Variants in CLTB observed in about 807,000 individuals in gnomAD.
The protein encoded by CLTB is clathrin light chain B, also known as clathrin, light chain (Lcb).
Under a neutral mutation model 30.5 loss-of-function variants are expected in CLTB, and 10 were observed. The ratio of observed to expected loss-of-function variants is 0.33; its 90% CI spans 0.20 to 0.56. The LOEUF is 0.56. Among genes scored for constraint, CLTB ranks in the 20% least tolerant of loss-of-function variants. The pLI is 0.91. For synonymous variants in CLTB, 102 were observed against 120.3 expected (o/e 0.85, Z 1.00); for missense variants, 261 against 308.3 (o/e 0.85, Z 1.15).
intron 2 of CLTB, among the ~76,000 whole-genome samples, chr5:176,404,771 G>T (rs1016024037): frequency 6.6e-6 from 1 of 152,170 alleles, no homozygotes. Context: ...CAGGTCCCGG[G>T]CTCCGGTGAA....
intron 2 of CLTB, among the ~76,000 whole-genome samples, chr5:176,409,531 A>G (rs1229268582): frequency 6.8e-6 from 1 of 147,624 alleles, no homozygotes; most frequent in East Asian, 2.0e-4. Flanking sequence ...CTCCTGCCTT[A>G]GCCTCCCGAG....
intron 2 of CLTB, among the ~76,000 whole-genome samples, chr5:176,408,288 C>A (rs1272187663): frequency 2.0e-5 from 3 of 151,114 alleles, no homozygotes; most frequent in Non-Finnish European, 4.4e-5. Flanking sequence ...AATCCCAGCA[C>A]TTTGGGAGGC....
rs540080556 is a variant in CLTB, at chr5:176,412,109, G to C, written c.188-1806C>G. ...GAGAATGGTGTGAACCCGGGAGGCGGAGCTTGCAGTGAGCCGAGATCCCGC... is the reference window on the plus strand; with the variant it reads ...GAGAATGGTGTGAACCCGGGAGGCGCAGCTTGCAGTGAGCCGAGATCCCGC... On this transcript the variant is annotated intron_variant, in intron 1 of 5. Coordinates refer to ENST00000310418, the MANE Select transcript of CLTB (RefSeq NM_007097.5). Among the ~76,000 whole-genome samples the C allele has an allele frequency of 1.1e-3, 173 of 150,662 alleles. 1 individual carries two copies. Among genetic ancestry groups the C allele is most frequent in the African/African-American group, 4.2e-3 (171 of 41,032 alleles).
intron 1 of CLTB, among the ~76,000 whole-genome samples, chr5:176,412,136 A>C (rs1757471705): frequency 6.7e-6 from 1 of 148,358 alleles, no homozygotes; most frequent in African/African-American, 2.5e-5. Flanking sequence ...AGATCCCGCC[A>C]CTGCACTCCA....
At chr5:176,409,197 A>G (rs1757292383) in intron 2 of CLTB, among the ~76,000 whole-genome samples, 1 of 150,900 alleles carries the variant, frequency 6.6e-6, no homozygotes, top group Non-Finnish European at 1.5e-5. Context: ...GATGGTCTCA[A>G]TCTTCCAACC....
At position 176,393,014 on chromosome 5, in the gene CLTB, T is replaced by TGGGCAAAGCA; in HGVS notation, c.519-70_519-69insTGCTTTGCCC. ...CCCCAGCCTTGCCCTTGAGCAAGGCTGCTTTGCCCAGCCTACTCTGGGGCA... is the reference window on the plus strand; with the variant it reads ...CCCCAGCCTTGCCCTTGAGCAAGGCTGGGCAAAGCAGCTTTGCCCAGCCTACTCTGGGGCA... On this transcript the variant is annotated intron_variant, in intron 5 of 5. Coordinates refer to ENST00000310418, the MANE Select transcript of CLTB (RefSeq NM_007097.5). The surrounding 1 kb of genome is among the most constrained non-coding windows in gnomAD (Gnocchi z 4.4). 6.4e-7 allele frequency: 1 copy of TGGGCAAAGCA among 1,573,918 alleles called. No individual in the cohort carries two copies. Among genetic ancestry groups the TGGGCAAAGCA allele is most frequent in the Non-Finnish European group, 8.7e-7 (1 of 1,146,408 alleles).
intron 2 of CLTB, among the ~76,000 whole-genome samples, chr5:176,404,644 T>A (rs7703742): frequency 6.6e-6 from 1 of 152,006 alleles, no homozygotes; most frequent in Non-Finnish European, 1.5e-5. Flanking sequence ...CTGGCCAAAC[T>A]GGGCCCACAT....
At chr5:176,410,344 C>T (rs774816848) in intron 1 of CLTB, 41 bp from the exon 2 acceptor site, 39 of 1,588,264 alleles carry the variant, frequency 2.5e-5, no homozygotes, top group Non-Finnish European at 1.7e-6. Context: ...CACTGTTTAG[C>T]TTATAGCAAG....
intron 1 of CLTB, among the ~76,000 whole-genome samples, chr5:176,412,154 C>A (rs113848968): frequency 7.2e-6 from 1 of 139,466 alleles, no homozygotes; most frequent in African/African-American, 2.7e-5. Context: ...CCAGCCTGGG[C>A]GACAGAGTGA....
At chr5:176,396,218 C>T (rs1756514866) in intron 5 of CLTB, among the ~76,000 whole-genome samples, 1 of 152,108 alleles carries the variant, frequency 6.6e-6, no homozygotes, top group East Asian at 1.9e-4. Context: ...CCATTTGCCC[C>T]TCCCACATGG....
intron 2 of CLTB, among the ~76,000 whole-genome samples, chr5:176,404,128 G>T (rs1191376785): frequency 2.0e-5 from 3 of 152,218 alleles, no homozygotes; most frequent in African/African-American, 7.2e-5. Context: ...GCCAGGAAGT[G>T]GCAGAACCAG....
rs188680498 is a variant in CLTB, at chr5:176,394,676, A to G, written c.519-1731T>C. Among the ~76,000 whole-genome samples the G allele has an allele frequency of 7.6e-3, 1,163 of 152,190 alleles. 8 individuals are homozygous for G. Among genetic ancestry groups the G allele is most frequent in the African/African-American group, 0.022 (898 of 41,510 alleles). On this transcript the variant is annotated intron_variant, in intron 5 of 5. Transcript: ENST00000310418. Reference sequence around the variant, plus strand: ...AAAAAATACACAAAATTAGCCGGGCATGGTGGCGGGCACCTGTAGTCCCAG... The same window carrying G: ...AAAAAATACACAAAATTAGCCGGGCGTGGTGGCGGGCACCTGTAGTCCCAG...
chr5:176,401,031 C>G (rs925676685), intron 2 of CLTB, among the ~76,000 whole-genome samples: 1 of 152,194 alleles, frequency 6.6e-6, no homozygotes, highest in Non-Finnish European at 1.5e-5. Context: ...GGCAGCTGGG[C>G]GCCACCCTTA....
In CLTB at chr5:176,416,507, C is replaced by T; in HGVS notation, c.-144G>A. On this transcript the variant is annotated 5_prime_UTR_variant, in exon 1 of 6. Coordinates refer to ENST00000310418, the MANE Select transcript of CLTB (RefSeq NM_007097.5). ...GACGGGCTTGGCGCGGACCGCACTT[C>T]CTCTCCGCCACCGGGCCCGGCTGGC... is the stretch of plus-strand genomic sequence containing the variant. The T allele has an allele frequency of 1.7e-6, 1 of 582,178 alleles. No homozygotes were observed. The highest frequency in any genetic ancestry group is 2.5e-6 in the Non-Finnish European group (1 of 407,338). The allele number at this position is 582,178 out of a possible 1,614,324, so 36.1% of individuals were successfully genotyped here.
At chr5:176,404,219 T>C (rs531948408) in intron 2 of CLTB, among the ~76,000 whole-genome samples, 1 of 152,346 alleles carries the variant, frequency 6.6e-6, no homozygotes, top group African/African-American at 2.4e-5. Flanking sequence ...GCATAGTTTG[T>C]GTGCCTGCTT....
chr5:176,393,454 TC>T lies in CLTB; in HGVS notation c.519-510del, dbSNP rs1756347811. On this transcript the variant is annotated intron_variant, in intron 5 of 5. Coordinates refer to ENST00000310418, the MANE Select transcript of CLTB (RefSeq NM_007097.5). This position sits in a 1 kb window ranked among gnomAD's most constrained non-coding sequence, Gnocchi z 4.4. ...TTGCCTGAATGTTCTGTGTGAGGATTCTCCAGAAAGACTGTGGTCAAATACC... is the reference window on the plus strand; with the variant it reads ...TTGCCTGAATGTTCTGTGTGAGGATTTCCAGAAAGACTGTGGTCAAATACC... Among the ~76,000 whole-genome samples the T allele has an allele frequency of 6.6e-6, 1 of 152,190 alleles. No individual in the cohort carries two copies. The highest frequency in any genetic ancestry group is 2.1e-4 in the South Asian group (1 of 4,834).
chr5:176,392,477 G>A (rs115470776), downstream of CLTB: 6,084 of 328,408 alleles, frequency 0.019, 89 homozygotes, highest in Middle Eastern at 0.042. This position sits in a 1 kb window ranked among gnomAD's most constrained non-coding sequence, Gnocchi z 5.2. Flanking sequence ...AAGTGAGAAT[G>A]ATAATAAATA....
intron 5 of CLTB, 141 bp downstream of exon 5, chr5:176,396,338 A>C: frequency 1.3e-6 from 1 of 776,848 alleles, no homozygotes; most frequent in East Asian, 2.5e-5. Flanking sequence ...GCCTGCACCC[A>C]CCAGGGCATT....
At chr5:176,412,249 C>G (rs1394634293) in intron 1 of CLTB, among the ~76,000 whole-genome samples, 2 of 151,854 alleles carry the variant, frequency 1.3e-5, no homozygotes, top group African/African-American at 4.8e-5. Flanking sequence ...GTCACCTCCT[C>G]TGGGAAGCCC....
Sources: gnomAD v4.1 joint callset for allele counts (sites outside exome capture counted in the v4.1 genomes callset) on GRCh38, gnomAD v4.1.1 for gene constraint, Gnocchi (gnomAD v3.1) non-coding constraint, MANE v1.5 for transcripts, NCBI Gene and HGNC (gene_info 2026-07-23, HGNC 2026-07-21) for gene names.